Variants in EPHB2 observed in about 807,000 individuals in gnomAD.
EPHB2 encodes EPH receptor B2.
Under a neutral mutation model 96.4 loss-of-function variants are expected in EPHB2, and 18 were observed. The ratio of observed to expected loss-of-function variants is 0.19; its 90% CI spans 0.13 to 0.28. EPHB2 has a LOEUF of 0.28. EPHB2 is among the 10% of genes least tolerant of loss of function. The probability of loss-of-function intolerance (pLI) is 1.00; values close to 1 mark genes in which losing one functional copy is unlikely to be tolerated. For missense variants in EPHB2, 989 were observed against 1,355.4 expected (o/e 0.73, Z 4.25); for synonymous variants, 506 against 534.1 (o/e 0.95, Z 0.72).
intron 9 of EPHB2, among the ~76,000 whole-genome samples, chr1:22,900,026 G>A (rs1427543051): frequency 6.6e-6 from 1 of 151,928 alleles, no homozygotes; most frequent in East Asian, 1.9e-4. Flanking sequence ...GGGTGCGGTA[G>A]CTCACGCCTG....
rs565273426 is a variant in EPHB2 at position 22,808,112 on chromosome 1, C to T, written c.811+23036C>T. Among the ~76,000 whole-genome samples the T allele has an allele frequency of 8.7e-5, 13 of 149,496 alleles. No individual in the cohort carries two copies. In the South Asian group the frequency reaches 1.9e-3, roughly 22 times the overall value. ...TGGTGCCACTGCACTCCAGCCTGGC[C>T]GGCAGAGCAAGACTGTCACAAAAAA... On this transcript the variant is annotated intron_variant, in intron 3 of 15. Coordinates refer to ENST00000374630, the MANE Select transcript of EPHB2 (RefSeq NM_017449.5).
chr1:22,739,318 C>A (rs369130057), intron 1 of EPHB2, among the ~76,000 whole-genome samples: 32 of 152,234 alleles, frequency 2.1e-4, no homozygotes, highest in African/African-American at 7.5e-4. Flanking sequence ...CAGGTTCAAG[C>A]GATTCTCGTG....
chr1:22,896,672 C>A (rs1390818935), intron 9 of EPHB2, among the ~76,000 whole-genome samples, 194 bp downstream of exon 9: 1 of 152,196 alleles, frequency 6.6e-6, no homozygotes, highest in Non-Finnish European at 1.5e-5. Flanking sequence ...AGCGCTCTCC[C>A]CCTTTCCCTT....
intron 1 of EPHB2, among the ~76,000 whole-genome samples, chr1:22,779,360 G>A (rs1326232566): frequency 6.6e-6 from 1 of 152,102 alleles, no homozygotes; most frequent in Non-Finnish European, 1.5e-5. Context: ...GTGACCACAG[G>A]CAGTCATGGG....
chr1:22,863,254 G>C lies in EPHB2; in HGVS notation c.967+62G>C, dbSNP rs567401714. On this transcript the variant is annotated intron_variant, in intron 4 of 15. Transcript: ENST00000374630. ...GAGTCCCAGGTCTACCTGCAGAAAAGCTCAGAGTGAGGATTGGGTGCCGTC... is the reference window on the plus strand; with the variant it reads ...GAGTCCCAGGTCTACCTGCAGAAAACCTCAGAGTGAGGATTGGGTGCCGTC... 5 of 1,611,504 alleles carry C rather than the reference G, an allele frequency of 3.1e-6. No individual in the cohort carries two copies. In the East Asian group the frequency reaches 1.1e-4, roughly 36 times the overall value.
intron 3 of EPHB2, among the ~76,000 whole-genome samples, chr1:22,801,918 C>A (rs1287368301): frequency 6.6e-6 from 1 of 152,220 alleles, no homozygotes; most frequent in Non-Finnish European, 1.5e-5. Flanking sequence ...GAGGAGCGGA[C>A]AGGGAGAGTG....
chr1:22,909,061 A>G lies in EPHB2; in HGVS notation c.2392A>G (p.Ile798Val). 1 of 1,614,168 alleles carries G rather than the reference A, an allele frequency of 6.2e-7. No individual in the cohort carries two copies. Among genetic ancestry groups the G allele is most frequent in the Non-Finnish European group, 8.5e-7 (1 of 1,180,020 alleles). ...IPIRWTAPEA[I>V]QYRKFTSASD... ...CATCCGCTGGACAGCCCCGGAAGCC[A>G]TCCAGTACCGGAAGTTCACCTCGGC... Residue 798 changes from isoleucine to valine, a missense_variant, in exon 13 of 16, where the codon ATC (isoleucine) becomes GTC (valine). Ile to Val is a conservative substitution (Grantham distance 29). Transcript: ENST00000374630.
At position 22,768,552 on chromosome 1, in the gene EPHB2, G is replaced by A. The variant is rs544598083; in HGVS notation, c.62-12869G>A. 2.0e-5 allele frequency among the ~76,000 whole-genome samples: 3 copies of A among 152,122 alleles called. No homozygotes were observed. In the South Asian group the frequency reaches 6.2e-4, roughly 32 times the overall value. Reference sequence around the variant, plus strand: ...AATAAATAAATAAGCAAGCAAGCAGGGCATGGTGATCACACGTGTAGTCCC... The same window carrying A: ...AATAAATAAATAAGCAAGCAAGCAGAGCATGGTGATCACACGTGTAGTCCC... On this transcript the variant is annotated intron_variant, in intron 1 of 15. Coordinates refer to ENST00000374630, the MANE Select transcript of EPHB2 (RefSeq NM_017449.5).
intron 1 of EPHB2, among the ~76,000 whole-genome samples, chr1:22,753,363 C>G (rs1435353939): frequency 6.6e-6 from 1 of 152,202 alleles, no homozygotes. Flanking sequence ...CATCCTGGCC[C>G]GTGCTGGACA....
At chr1:22,891,391 G>GA (rs1004553543) in intron 6 of EPHB2, 1 of 348,406 alleles carries the variant, frequency 2.9e-6, no homozygotes. Context: ...ATTTTCGTCA[G>GA]AAAAAAATTG....
chr1:22,873,727 G>T (rs1313425568), intron 5 of EPHB2, among the ~76,000 whole-genome samples: 1 of 152,228 alleles, frequency 6.6e-6, no homozygotes, highest in Non-Finnish European at 1.5e-5. Context: ...GGACCAAAAT[G>T]GCTGCAAGGT....
At chr1:22,817,977 G>A (rs1296705131) in intron 3 of EPHB2, among the ~76,000 whole-genome samples, 1 of 152,184 alleles carries the variant, frequency 6.6e-6, no homozygotes, top group Non-Finnish European at 1.5e-5. Context: ...GAAGGGCCCA[G>A]CCCATTTATC....
intron 1 of EPHB2, among the ~76,000 whole-genome samples, chr1:22,727,409 A>AG (rs34423675): frequency 1.3e-5 from 2 of 152,224 alleles, no homozygotes; most frequent in Admixed American, 6.5e-5. Flanking sequence ...CACAGCTCCC[A>AG]GGGGGCTCCT....
At chr1:22,801,061 G>A (rs1158249681) in intron 3 of EPHB2, among the ~76,000 whole-genome samples, 1 of 152,220 alleles carries the variant, frequency 6.6e-6, no homozygotes, top group Non-Finnish European at 1.5e-5. Flanking sequence ...CAGGGGTACA[G>A]GGGGCAGGCT....
Position 22,913,403 on chromosome 1 carries a change from C to A in EPHB2, c.2853-59C>A, listed in dbSNP as rs897390761. On this transcript the variant is annotated intron_variant, in intron 15 of 15. Coordinates refer to ENST00000374630, the MANE Select transcript of EPHB2 (RefSeq NM_017449.5). The surrounding 1 kb of genome is among the most constrained non-coding windows in gnomAD (Gnocchi z 4.1). ...CCGGGGAAGCCCAGGCAGCTCTCTA[C>A]CAGGCACAGGACCCCTTCACCCGCA... The A allele has an allele frequency of 3.1e-6, 5 of 1,594,878 alleles. No individual in the cohort carries two copies. Among genetic ancestry groups the A allele is most frequent in the Admixed American group, 1.8e-5 (1 of 56,698 alleles).
chr1:22,775,248 G>T (rs1351069962), intron 1 of EPHB2: 1 of 779,800 alleles, frequency 1.3e-6, no homozygotes, highest in South Asian at 1.3e-5. Flanking sequence ...TATGCAGGTT[G>T]GTTCTCCTGT....
At chr1:22,884,605 G>A (rs1446640090) in intron 6 of EPHB2, among the ~76,000 whole-genome samples, 3 of 137,524 alleles carry the variant, frequency 2.2e-5, no homozygotes, top group Non-Finnish European at 3.1e-5. Context: ...GGGTGACAGA[G>A]TGAGATGCTG....
chr1:22,862,192 A>G (rs987259923), intron 3 of EPHB2, among the ~76,000 whole-genome samples: 5 of 152,358 alleles, frequency 3.3e-5, no homozygotes, highest in East Asian at 1.9e-4. Context: ...CCTCATACTC[A>G]GAGCTACAGT....
At chr1:22,746,656 A>G (rs1034331080) in intron 1 of EPHB2, among the ~76,000 whole-genome samples, 1 of 152,228 alleles carries the variant, frequency 6.6e-6, no homozygotes, top group African/African-American at 2.4e-5. Context: ...TGGACCATGG[A>G]CCATGTTAGG....
Sources: allele counts gnomAD v4.1 joint callset (sites outside exome capture counted in the v4.1 genomes callset), GRCh38; gene constraint gnomAD v4.1.1; non-coding constraint Gnocchi (gnomAD v3.1); transcripts MANE v1.5; gene names NCBI Gene and HGNC (gene_info 2026-07-23, HGNC 2026-07-21).